Variants in PRDM16 observed in about 807,000 individuals in gnomAD.
The protein encoded by PRDM16 is histone-lysine N-methyltransferase PRDM16.
Under a neutral mutation model 110.6 loss-of-function variants are expected in PRDM16, and 23 were observed. The observed-to-expected ratio is 0.21, with a 90% CI of 0.15 to 0.29. The LOEUF is 0.29. PRDM16 is among the 10% of genes least tolerant of loss of function. PRDM16 has a pLI of 1.00. For synonymous variants in PRDM16, 799 were observed against 781.8 expected (o/e 1.02, Z -0.37); for missense variants, 1,615 against 1,794.3 (o/e 0.90, Z 1.81).
chr1:3,341,078 T>A (rs1349467701), intron 3 of PRDM16, among the ~76,000 whole-genome samples: 1 of 144,138 alleles, frequency 6.9e-6, no homozygotes, highest in African/African-American at 2.9e-5. Flanking sequence ...GAGCCCTCGT[T>A]TCTCCCCCTC....
intron 3 of PRDM16, among the ~76,000 whole-genome samples, chr1:3,248,666 GTTA>G (rs1416313070): frequency 1.3e-5 from 2 of 152,202 alleles, no homozygotes; most frequent in African/African-American, 4.8e-5. Context: ...ATCTCTCCCG[GTTA>G]TTATTATTAC....
At chr1:3,212,111 G>C (rs1569853469) in intron 2 of PRDM16, among the ~76,000 whole-genome samples, 2 of 152,330 alleles carry the variant, frequency 1.3e-5, no homozygotes, top group African/African-American at 2.4e-5. Flanking sequence ...TCACCGGCTC[G>C]TGAAACCGTC....
chr1:3,225,573 T>TGTGCGCGCGCGCGC (rs1336272072), intron 2 of PRDM16, among the ~76,000 whole-genome samples: 213 of 129,852 alleles, frequency 1.6e-3, no homozygotes, highest in African/African-American at 5.6e-3. Flanking sequence ...TGTGTGTGTG[T>TGTGCGCGCGCGCGC]GCGCGCGCGC....
At chr1:3,122,657 C>A (rs1282593413) in intron 1 of PRDM16, among the ~76,000 whole-genome samples, 1 of 152,128 alleles carries the variant, frequency 6.6e-6, no homozygotes, top group Non-Finnish European at 1.5e-5. Context: ...GCAGCCCTGC[C>A]CTCCTTCCAG....
rs1302822343 is a variant in PRDM16, at chr1:3,269,861, A to AC, written c.438+25724_438+25725insC. ...CAGAGGATGAAAGTCCCAGAGGAGG[A>AC]AAGTCCCAGAGGAGGAAAGTCCCAG... On this transcript the variant is annotated intron_variant, in intron 3 of 16. Coordinates refer to ENST00000270722, the MANE Select transcript of PRDM16 (RefSeq NM_022114.4). Among the ~76,000 whole-genome samples, 393 of 145,802 alleles carry AC rather than the reference A, an allele frequency of 2.7e-3. 8 individuals carry two copies. Among genetic ancestry groups the AC allele is most frequent in the Middle Eastern group, 4.2e-3 (1 of 240 alleles).
chr1:3,259,941 T>C (rs1393195523), intron 3 of PRDM16, among the ~76,000 whole-genome samples: 1 of 152,110 alleles, frequency 6.6e-6, no homozygotes, highest in African/African-American at 2.4e-5. Flanking sequence ...TACTAAGCTG[T>C]GGCCCTCAAA....
intron 3 of PRDM16, among the ~76,000 whole-genome samples, chr1:3,346,598 C>T (rs893687899): frequency 6.6e-6 from 1 of 152,122 alleles, no homozygotes; most frequent in Non-Finnish European, 1.5e-5. Flanking sequence ...ACACAGACAC[C>T]CCCTCCACCT....
intron 2 of PRDM16, among the ~76,000 whole-genome samples, chr1:3,195,364 G>T (rs1234570718): frequency 2.0e-5 from 3 of 151,934 alleles, no homozygotes; most frequent in Non-Finnish European, 4.4e-5. Flanking sequence ...AGGAATTTTA[G>T]AAAAAAGGAG....
At chr1:3,188,403 T>C (rs1000482788) in intron 2 of PRDM16, among the ~76,000 whole-genome samples, 3 of 152,204 alleles carry the variant, frequency 2.0e-5, no homozygotes, top group East Asian at 3.9e-4. Context: ...CGTATCACCA[T>C]GTCCGCGTGG....
chr1:3,086,410 A>G (rs1048703181), intron 1 of PRDM16, among the ~76,000 whole-genome samples: 1 of 152,156 alleles, frequency 6.6e-6, no homozygotes, highest in African/African-American at 2.4e-5. Context: ...GAAAGCTGCC[A>G]CGGGGCTGCT....
Position 3,390,577 on chromosome 1 carries a change from C to G in PRDM16, c.573+5291C>G, listed in dbSNP as rs1475190446. Among the ~76,000 whole-genome samples, 1 of 152,130 alleles carries G rather than the reference C, an allele frequency of 6.6e-6. No individual in the cohort carries two copies. The highest frequency in any genetic ancestry group is 1.5e-5 in the Non-Finnish European group (1 of 68,016). On this transcript the variant is annotated intron_variant, in intron 4 of 16. Transcript: ENST00000270722. This position sits in a 1 kb window ranked among gnomAD's most constrained non-coding sequence, Gnocchi z 5.0. ...GCAGGCATTGTGTTAGAAGAGTGGC[C>G]GCCGGTGGCCAGGCAGCACCGCGTG... is the stretch of plus-strand genomic sequence containing the variant.
Position 3,069,316 on chromosome 1 carries a change from C to A in PRDM16, c.37+20C>A. 7.7e-7 allele frequency: 1 copy of A among 1,298,640 alleles called. No homozygotes were observed. The highest frequency in any genetic ancestry group is 1.0e-6 in the Non-Finnish European group (1 of 999,430). 80.4% of individuals were successfully genotyped at this position (1,298,640 alleles called of 1,614,324 possible). On this transcript the variant is annotated intron_variant, in intron 1 of 16. Transcript: ENST00000270722. The surrounding 1 kb of genome is among the most constrained non-coding windows in gnomAD (Gnocchi z 6.1). Reference sequence around the variant, plus strand: ...CCAAAAGTAAGTCTCCCGCGCTCGGCCGCGCCGCGCCGCCGGGGCCCGGGC... The same window carrying A: ...CCAAAAGTAAGTCTCCCGCGCTCGGACGCGCCGCGCCGCCGGGGCCCGGGC...
rs999584883 is a variant in PRDM16 at position 3,245,609 on chromosome 1, C to T, written c.438+1472C>T. On this transcript the variant is annotated intron_variant, in intron 3 of 16. Transcript: ENST00000270722. This position sits in a 1 kb window ranked among gnomAD's most constrained non-coding sequence, Gnocchi z 4.7. Reference sequence around the variant, plus strand: ...GGACAAGGTGTCGGCTCTCAGTCCCCGCCGTCCACAGGATGCCTGAGGTCT... The same window carrying T: ...GGACAAGGTGTCGGCTCTCAGTCCCTGCCGTCCACAGGATGCCTGAGGTCT... Among the ~76,000 whole-genome samples, 6 of 152,166 alleles carry T rather than the reference C, an allele frequency of 3.9e-5. No individual in the cohort carries two copies. Among genetic ancestry groups the T allele is most frequent in the Admixed American group, 2.0e-4 (3 of 15,282 alleles).
intron 3 of PRDM16, among the ~76,000 whole-genome samples, chr1:3,327,934 C>G (rs1641954302): frequency 6.6e-6 from 1 of 152,258 alleles, no homozygotes; most frequent in Admixed American, 6.5e-5. Flanking sequence ...ACCCACAGCA[C>G]AGAAATACAA....
intron 12 of PRDM16, 116 bp downstream of exon 12, chr1:3,418,860 G>A: frequency 5.0e-6 from 4 of 793,862 alleles, no homozygotes; most frequent in Non-Finnish European, 8.7e-6. Flanking sequence ...TGAGCAGGCA[G>A]TGGGCAGGGC....
chr1:3,420,923 G>A (rs1002026726), intron 12 of PRDM16, among the ~76,000 whole-genome samples: 1 of 151,998 alleles, frequency 6.6e-6, no homozygotes, highest in Non-Finnish European at 1.5e-5. Context: ...TGCGAGCAGG[G>A]CTGCCCGGGA....
intron 3 of PRDM16, among the ~76,000 whole-genome samples, chr1:3,329,488 G>A (rs573539126): frequency 6.6e-6 from 1 of 152,176 alleles, no homozygotes; most frequent in Non-Finnish European, 1.5e-5. Context: ...GTCGGGGGCC[G>A]AGGGGTTTGC....
intron 3 of PRDM16, chr1:3,309,876 C>T (rs1383352019): frequency 6.6e-6 from 1 of 152,160 alleles, no homozygotes; most frequent in Non-Finnish European, 1.5e-5. Flanking sequence ...TTGAGGGAGT[C>T]CTTGAGGGAA....
chr1:3,319,433 A>T (rs917901079), intron 3 of PRDM16, among the ~76,000 whole-genome samples: 1 of 152,204 alleles, frequency 6.6e-6, no homozygotes, highest in Non-Finnish European at 1.5e-5. Context: ...GCAGGGGGGC[A>T]GATATGCAGG....
Sources: allele counts gnomAD v4.1 joint callset (sites outside exome capture counted in the v4.1 genomes callset), GRCh38; gene constraint gnomAD v4.1.1; non-coding constraint Gnocchi (gnomAD v3.1); transcripts MANE v1.5; gene names NCBI Gene and HGNC (gene_info 2026-07-23, HGNC 2026-07-21).